Variants in MTCL2 observed in about 807,000 individuals in gnomAD.
The protein encoded by MTCL2 is microtubule cross-linking factor 2.
chr20:36,810,852 T>C, the MTCL2 span, among the ~76,000 whole-genome samples: 1 of 151,998 alleles, frequency 6.6e-6, no homozygotes, highest in African/African-American at 2.4e-5. Flanking sequence ...CTCAATTAAC[T>C]GGGATTACAG....
chr20:36,784,370 G>A, the MTCL2 span: 1 of 985,848 alleles, frequency 1.0e-6, no homozygotes, highest in Non-Finnish European at 1.2e-6. Flanking sequence ...TGCAGGGAAG[G>A]GAGATGCAGG....
the MTCL2 span, among the ~76,000 whole-genome samples, chr20:36,858,949 C>A: frequency 6.6e-6 from 1 of 152,152 alleles, no homozygotes; most frequent in South Asian, 2.1e-4. Context: ...CACGACCACG[C>A]CTGGGTAATT....
chr20:36,817,185 T>A, the MTCL2 span, among the ~76,000 whole-genome samples: 1 of 149,728 alleles, frequency 6.7e-6, no homozygotes, highest in African/African-American at 2.5e-5. Context: ...GAAAATTGCT[T>A]GAACCTGGGA....
At chr20:36,807,133 G>A in the MTCL2 span, among the ~76,000 whole-genome samples, 1 of 152,298 alleles carries the variant, frequency 6.6e-6, no homozygotes, top group African/African-American at 2.4e-5. Context: ...GCAGGGCCAG[G>A]GCAGCAGGGT....
the MTCL2 span, among the ~76,000 whole-genome samples, chr20:36,847,837 C>T: frequency 8.1e-6 from 1 of 123,932 alleles, no homozygotes; most frequent in Admixed American, 9.8e-5. Context: ...CTGAGTGACA[C>T]AGAGACAGTC....
At chr20:36,797,662 T>C in the MTCL2 span, 1 of 1,245,336 alleles carries the variant, frequency 8.0e-7, no homozygotes, top group South Asian at 1.3e-5. Context: ...CAGACTCCAC[T>C]CTGCAGCCCA....
the MTCL2 span, among the ~76,000 whole-genome samples, chr20:36,838,937 C>T: frequency 1.7e-4 from 26 of 151,638 alleles, no homozygotes; most frequent in African/African-American, 5.8e-4. Flanking sequence ...CCATTGCATT[C>T]CAGCCTGGGC....
chr20:36,851,546 C>G, the MTCL2 span, among the ~76,000 whole-genome samples: 1 of 152,218 alleles, frequency 6.6e-6, no homozygotes, highest in African/African-American at 2.4e-5. Context: ...GTTTCCTCTG[C>G]CTGGATTTCC....
the MTCL2 span, among the ~76,000 whole-genome samples, chr20:36,849,859 T>G: frequency 6.6e-6 from 1 of 151,982 alleles, no homozygotes; most frequent in Non-Finnish European, 1.5e-5. Context: ...GGGCTGGAGA[T>G]GAAAGTGACC....
At chr20:36,863,030 C>T in the MTCL2 span, 1 of 1,399,994 alleles carries the variant, frequency 7.1e-7, no homozygotes, top group South Asian at 1.4e-5. This position sits in a 1 kb window ranked among gnomAD's most constrained non-coding sequence, Gnocchi z 6.2. Flanking sequence ...GTCGCGGCCC[C>T]GCACCCGAGC....
chr20:36,794,031 A>G, the MTCL2 span: 2 of 1,551,456 alleles, frequency 1.3e-6, no homozygotes, highest in South Asian at 1.2e-5. This position sits in a 1 kb window ranked among gnomAD's most constrained non-coding sequence, Gnocchi z 5.4. Context: ...TGGCGCACAC[A>G]GTTGGTGATC....
At chr20:36,789,812 C>T in the MTCL2 span, among the ~76,000 whole-genome samples, 2 of 152,126 alleles carry the variant, frequency 1.3e-5, no homozygotes, top group East Asian at 3.9e-4. Flanking sequence ...TTTTTTCCTG[C>T]CTTGAGACTT....
the MTCL2 span, among the ~76,000 whole-genome samples, chr20:36,840,166 G>GTT: frequency 6.5e-5 from 8 of 122,898 alleles, no homozygotes; most frequent in South Asian, 2.7e-4. Context: ...CCAGCCTGGT[G>GTT]TTTTTTTTTT....
the MTCL2 span, chr20:36,806,042 A>C: frequency 1.8e-6 from 2 of 1,140,176 alleles, no homozygotes; most frequent in East Asian, 2.6e-5. Flanking sequence ...TAGGTCGAGG[A>C]GCACGGCTGG....
chr20:36,850,183 A>G, the MTCL2 span, among the ~76,000 whole-genome samples: 1 of 152,020 alleles, frequency 6.6e-6, no homozygotes, highest in Non-Finnish European at 1.5e-5. Flanking sequence ...ACCCACTCCC[A>G]TGGGACTCTG....
the MTCL2 span, among the ~76,000 whole-genome samples, chr20:36,790,332 T>G: frequency 1.3e-5 from 2 of 151,564 alleles, no homozygotes; most frequent in Non-Finnish European, 2.9e-5. Flanking sequence ...TTTGCTACGT[T>G]GGCCAGGCTG....
At chr20:36,831,259 C>T in the MTCL2 span, among the ~76,000 whole-genome samples, 1 of 152,246 alleles carries the variant, frequency 6.6e-6, no homozygotes. Context: ...CCAATCCTGT[C>T]CCCATTTTAC....
the MTCL2 span, chr20:36,863,299 G>A: frequency 8.4e-7 from 1 of 1,186,698 alleles, no homozygotes; most frequent in Non-Finnish European, 1.0e-6. This position sits in a 1 kb window ranked among gnomAD's most constrained non-coding sequence, Gnocchi z 6.2. Flanking sequence ...GGCGCGGGCT[G>A]GGGACCGCAG....
At chr20:36,810,754 T>TCTCTCTCTCTCTCTC in the MTCL2 span, among the ~76,000 whole-genome samples, 2 of 42,474 alleles carry the variant, frequency 4.7e-5, no homozygotes, top group Non-Finnish European at 6.6e-5. Flanking sequence ...CTCTCTCTCT[T>TCTCTCTCTCTCTCTC]TCAACGGAGT....
Sources: allele counts gnomAD v4.1 joint callset (sites outside exome capture counted in the v4.1 genomes callset), GRCh38; gene constraint gnomAD v4.1.1; non-coding constraint Gnocchi (gnomAD v3.1); transcripts MANE v1.5; gene names NCBI Gene and HGNC (gene_info 2026-07-23, HGNC 2026-07-21).